Variants in ZNF804B observed in about 807,000 individuals in gnomAD.
The protein encoded by ZNF804B is zinc finger 804B.
A neutral mutation model predicts 101.4 loss-of-function variants in ZNF804B; 80 were observed. That is an observed-to-expected ratio of 0.79 (90% CI 0.66 to 0.95). The LOEUF is 0.95. ZNF804B is among the 40% of genes least tolerant of loss of function. The probability of loss-of-function intolerance (pLI) is 0.00; values close to 1 mark genes in which losing one functional copy is unlikely to be tolerated. For synonymous variants in ZNF804B, 622 were observed against 558.8 expected, an observed-to-expected ratio of 1.11 and a Z score of -1.59; for missense variants, 1,673 against 1,561.9, an observed-to-expected ratio of 1.07 and a Z score of -1.20.
intron 1 of ZNF804B, among the ~76,000 whole-genome samples, chr7:88,874,101 A>G (rs1250041574): frequency 6.6e-6 from 1 of 152,174 alleles, no homozygotes; most frequent in African/African-American, 2.4e-5. Context: ...CCTACCCATG[A>G]GCATGGAATG....
In ZNF804B at chr7:89,092,408, G is replaced by GTTTTTTTTTT. The variant is rs71120056; in HGVS notation, c.109-125734_109-125725dup. On this transcript the variant is annotated intron_variant, in intron 1 of 3. Transcript: ENST00000333190. ...CTAACATTGATTTCTTTTCTTTTCT[G>GTTTTTTTTTT]TTTTTTTTTTTTTTTTTTTTTTGAG... 5.3e-5 allele frequency among the ~76,000 whole-genome samples: 5 copies of GTTTTTTTTTT among 93,838 alleles called. 1 individual carries two copies. The highest frequency in any genetic ancestry group is 7.9e-5 in the Non-Finnish European group (4 of 50,748). The allele number at this position is 93,838 out of a possible 152,430, so 61.6% of individuals were successfully genotyped here.
intron 1 of ZNF804B, among the ~76,000 whole-genome samples, chr7:89,056,782 C>T (rs146518852): frequency 3.7e-4 from 56 of 152,194 alleles, no homozygotes; most frequent in African/African-American, 1.3e-3. Context: ...AACACTATAA[C>T]AAGAATAGGT....
chr7:88,827,913 A>T (rs950360512), intron 1 of ZNF804B, among the ~76,000 whole-genome samples: 3 of 152,148 alleles, frequency 2.0e-5, no homozygotes, highest in African/African-American at 7.2e-5. Context: ...CTAGTATCAG[A>T]TACAAAAATC....
chr7:89,300,098 C>T (rs935300210), intron 2 of ZNF804B, among the ~76,000 whole-genome samples: 8 of 151,584 alleles, frequency 5.3e-5, no homozygotes, highest in Admixed American at 4.0e-4. Flanking sequence ...ACTTTATCTA[C>T]GCTACTACCT....
intron 1 of ZNF804B, among the ~76,000 whole-genome samples, chr7:88,981,600 T>A (rs1793695868): frequency 6.6e-6 from 1 of 152,016 alleles, no homozygotes; most frequent in Non-Finnish European, 1.5e-5. Flanking sequence ...ACCTTCAGGT[T>A]TATTTAGAAT....
chr7:88,898,130 A>C (rs1792336753), intron 1 of ZNF804B, among the ~76,000 whole-genome samples: 1 of 113,804 alleles, frequency 8.8e-6, no homozygotes, highest in South Asian at 3.0e-4. Flanking sequence ...TCTGTAGCCC[A>C]GGCTCTAGTG....
At chr7:89,077,207 T>TCCAGACCTG (rs1789628281) in intron 1 of ZNF804B, among the ~76,000 whole-genome samples, 1 of 152,124 alleles carries the variant, frequency 6.6e-6, no homozygotes. Context: ...CTTGGGATCA[T>TCCAGACCTG]CCAGACCTGG....
chr7:89,336,232 G>A lies in ZNF804B; in HGVS notation c.3250G>A (p.Gly1084Ser). Residue 1084 changes from glycine to serine, a missense_variant, in exon 4 of 4, where the codon GGT (glycine) becomes AGT (serine). By Grantham distance (56) the Gly-to-Ser change is moderately conservative. Transcript: ENST00000333190. ...PGAFPSNKYT[G>S]VTDSTETQED... ...TGCTTTTCCGTCTAATAAATATACTGGTGTGACTGATTCAACAGAGACCCA... is the reference window on the plus strand; with the variant it reads ...TGCTTTTCCGTCTAATAAATATACTAGTGTGACTGATTCAACAGAGACCCA... 1 of 1,613,712 alleles carries A rather than the reference G, an allele frequency of 6.2e-7. No individual in the cohort carries two copies. Among genetic ancestry groups the A allele is most frequent in the Non-Finnish European group, 8.5e-7 (1 of 1,179,948 alleles).
At chr7:89,146,655 A>G (rs1790793970) in intron 1 of ZNF804B, among the ~76,000 whole-genome samples, 1 of 152,048 alleles carries the variant, frequency 6.6e-6, no homozygotes, top group African/African-American at 2.4e-5. Flanking sequence ...TGTAAATGAG[A>G]TAGAACTGTA....
rs551918464 is a variant in ZNF804B at position 89,143,287 on chromosome 7, T to C, written c.109-74868T>C. Among the ~76,000 whole-genome samples the C allele has an allele frequency of 2.6e-5, 4 of 151,942 alleles. 1 individual carries two copies. In the East Asian group the frequency reaches 7.8e-4, roughly 30 times the overall value. ...GGATTTCCACCTGTGCCCTAGTTTC[T>C]CCTTCTCCAGGACATGTTGGACACA... On this transcript the variant is annotated intron_variant, in intron 1 of 3. Coordinates refer to ENST00000333190, the MANE Select transcript of ZNF804B (RefSeq NM_181646.5).
chr7:89,046,657 T>C (rs1308949726), intron 1 of ZNF804B, among the ~76,000 whole-genome samples: 5 of 152,186 alleles, frequency 3.3e-5, no homozygotes, highest in Admixed American at 3.3e-4. Context: ...TTAGAAGATA[T>C]GTTTCTGATC....
At chr7:88,850,960 T>C (rs1401358705) in intron 1 of ZNF804B, among the ~76,000 whole-genome samples, 1 of 152,076 alleles carries the variant, frequency 6.6e-6, no homozygotes, top group Admixed American at 6.6e-5. Context: ...TTTAAAAGAT[T>C]CAAATCAGGC....
At chr7:89,069,723 T>G (rs1789506479) in intron 1 of ZNF804B, among the ~76,000 whole-genome samples, 1 of 152,176 alleles carries the variant, frequency 6.6e-6, no homozygotes, top group Admixed American at 6.5e-5. Flanking sequence ...ATATATCTTT[T>G]TAGTCGAATT....
chr7:89,017,846 A>T (rs1349618748), intron 1 of ZNF804B, among the ~76,000 whole-genome samples: 1 of 151,598 alleles, frequency 6.6e-6, no homozygotes, highest in Non-Finnish European at 1.5e-5. Flanking sequence ...AATTATGTTG[A>T]TTTTTGTTGG....
chr7:88,885,373 G>A (rs2115916716), intron 1 of ZNF804B, among the ~76,000 whole-genome samples: 1 of 151,296 alleles, frequency 6.6e-6, no homozygotes, highest in African/African-American at 2.4e-5. Flanking sequence ...ACAATACCGG[G>A]TTTTCTCTGT....
At chr7:89,285,959 G>T (rs967034862) in intron 2 of ZNF804B, among the ~76,000 whole-genome samples, 14 of 148,490 alleles carry the variant, frequency 9.4e-5, no homozygotes, top group African/African-American at 3.7e-4. Context: ...GGCACAATGA[G>T]GATGAAGATT....
At chr7:89,007,553 T>TA (rs1788387199) in intron 1 of ZNF804B, among the ~76,000 whole-genome samples, 4 of 54,160 alleles carry the variant, frequency 7.4e-5, no homozygotes, top group African/African-American at 9.7e-5. Flanking sequence ...ATATAATATA[T>TA]ATTTATCTAT....
At chr7:89,138,299 A>G (rs1790666824) in intron 1 of ZNF804B, among the ~76,000 whole-genome samples, 1 of 152,130 alleles carries the variant, frequency 6.6e-6, no homozygotes, top group African/African-American at 2.4e-5. Flanking sequence ...AGATTCACCA[A>G]CAGCTTGCAC....
intron 1 of ZNF804B, among the ~76,000 whole-genome samples, chr7:88,980,889 C>T (rs73401225): frequency 0.22 from 33,256 of 151,880 alleles, 4,040 homozygotes; most frequent in African/African-American, 0.31. Flanking sequence ...GCCTATTGTC[C>T]TTCCCTTCAG....
Sources: allele counts gnomAD v4.1 joint callset (sites outside exome capture counted in the v4.1 genomes callset), GRCh38; gene constraint gnomAD v4.1.1; transcripts MANE v1.5; gene names NCBI Gene and HGNC (gene_info 2026-07-23, HGNC 2026-07-21).